Variants in ASNS observed in about 807,000 individuals in gnomAD.
ASNS encodes the protein asparagine synthetase (glutamine-hydrolyzing).
In ASNS, 37 loss-of-function variants were observed where a neutral mutation model predicts 62.6. The ratio of observed to expected loss-of-function variants is 0.59; its 90% CI spans 0.45 to 0.78. The LOEUF is 0.78. ASNS is among the 30% of genes least tolerant of loss of function. ASNS has a pLI of 0.00. For missense variants in ASNS, 520 were observed against 682.4 expected, an observed-to-expected ratio of 0.76 and a Z score of 2.65; for synonymous variants, 207 against 237.9, an observed-to-expected ratio of 0.87 and a Z score of 1.19.
In ASNS at chr7:97,864,532, C is replaced by G. The variant is rs1348016591; in HGVS notation, c.250-36G>C. On this transcript the variant is annotated intron_variant, in intron 3 of 12. Transcript: ENST00000394308. ...GAAAGCAAAACCAAAATGTTAGACT[C>G]CTTGTACATTCACTAATAATTTTTT... 2.9e-6 allele frequency: 4 copies of G among 1,402,776 alleles called. No individual in the cohort carries two copies. In the African/African-American group the frequency reaches 4.3e-5, roughly 15 times the overall value. The allele number at this position is 1,402,776 out of a possible 1,614,324, so 86.9% of individuals were successfully genotyped here. A position where few individuals can be genotyped will look rare whatever the true frequency, so the allele number is the denominator to read the frequency against.
chr7:97,898,662 A>G, the ASNS span: 18 of 668,778 alleles, frequency 2.7e-5, no homozygotes, highest in South Asian at 2.8e-4. Flanking sequence ...TGAGCATAAG[A>G]GGTCTTCAGT....
At position 97,869,182 on chromosome 7, in the gene ASNS, A is replaced by G. The variant is rs372366667; in HGVS notation, c.-23-3T>C. ...GGTGCAATGAAGCTATAAGCTTTCT[A>G]TGGAGAGAAAAGCAGACAAATCAAA... is the stretch of plus-strand genomic sequence containing the variant. On this transcript the variant is annotated splice_region_variant and splice_polypyrimidine_tract_variant and intron_variant, in intron 2 of 12. Coordinates refer to ENST00000394308, the MANE Select transcript of ASNS (RefSeq NM_001673.5). 125 of 1,606,498 alleles carry G rather than the reference A, an allele frequency of 7.8e-5. No homozygotes were observed. The highest frequency in any genetic ancestry group is 8.7e-5 in the Non-Finnish European group (102 of 1,174,320).
intron 1 of ASNS, chr7:97,870,392 G>A: frequency 3.5e-6 from 1 of 287,418 alleles, no homozygotes; most frequent in South Asian, 1.2e-4. Flanking sequence ...CAAATAGTTT[G>A]GGATAAACAC....
chr7:97,898,770 A>G, the ASNS span: 8 of 686,706 alleles, frequency 1.2e-5, no homozygotes, highest in Non-Finnish European at 1.9e-5. Flanking sequence ...ATCATTGTTG[A>G]ACATTTTTCA....
the ASNS span, among the ~76,000 whole-genome samples, chr7:97,884,372 A>AATT: frequency 6.6e-6 from 1 of 152,100 alleles, no homozygotes; most frequent in African/African-American, 2.4e-5. Flanking sequence ...AACATGGTGG[A>AATT]ACCCCATCTC....
chr7:97,890,824 T>C, the ASNS span, among the ~76,000 whole-genome samples: 1 of 152,206 alleles, frequency 6.6e-6, no homozygotes, highest in Non-Finnish European at 1.5e-5. Flanking sequence ...GTGTCTTGTT[T>C]GTTGTGGTCC....
At chr7:97,856,044 CCATGAAATTCCA>C (rs2115622830) in intron 8 of ASNS, among the ~76,000 whole-genome samples, 1 of 152,252 alleles carries the variant, frequency 6.6e-6, no homozygotes, top group South Asian at 2.1e-4. Context: ...CACCCCAGCC[CCATGAAATTCCA>C]ATACCAGAGC....
chr7:97,923,488 G>A, the ASNS span, among the ~76,000 whole-genome samples: 3 of 152,138 alleles, frequency 2.0e-5, no homozygotes, highest in Admixed American at 6.5e-5. Flanking sequence ...GGCTGAGGGA[G>A]GAGAATCCTT....
At chr7:97,883,605 C>T in the ASNS span, among the ~76,000 whole-genome samples, 1 of 152,246 alleles carries the variant, frequency 6.6e-6, no homozygotes, top group Non-Finnish European at 1.5e-5. Context: ...AATCTGCACT[C>T]TTCACAGGGA....
intron 3 of ASNS, among the ~76,000 whole-genome samples, chr7:97,866,371 C>T (rs561340993): frequency 1.3e-5 from 2 of 152,342 alleles, no homozygotes; most frequent in South Asian, 2.1e-4. Context: ...AAAGCTACTC[C>T]TTACTGATAG....
chr7:97,903,752 T>C, the ASNS span, among the ~76,000 whole-genome samples: 7 of 152,248 alleles, frequency 4.6e-5, no homozygotes, highest in Non-Finnish European at 8.8e-5. Context: ...TTTCTTTTAC[T>C]TGAATTGGAG....
chr7:97,870,231 C>G, intron 1 of ASNS: 1 of 906,772 alleles, frequency 1.1e-6, no homozygotes, highest in Non-Finnish European at 1.6e-6. Context: ...CTGAGTGCTA[C>G]GAAGATTGTA....
chr7:97,880,483 A>C, the ASNS span, among the ~76,000 whole-genome samples: 2 of 152,164 alleles, frequency 1.3e-5, no homozygotes, highest in South Asian at 4.1e-4. Context: ...AAAGGGGTCC[A>C]AATGTGAAAG....
At chr7:97,880,667 GGTT>G in the ASNS span, among the ~76,000 whole-genome samples, 3 of 152,278 alleles carry the variant, frequency 2.0e-5, no homozygotes, top group African/African-American at 7.2e-5. Context: ...TGAGGCAGCT[GGTT>G]GTTAAGACTG....
the ASNS span, among the ~76,000 whole-genome samples, chr7:97,919,135 GCTCACTGCAACCTCCTC>G: frequency 4.6e-3 from 700 of 151,982 alleles, 8 homozygotes; most frequent in African/African-American, 0.016. Context: ...CACAATCTCG[GCTCACTGCAACCTCCTC>G]CTCACTGCAA....
At chr7:97,882,538 TTAAATAAATAAATAAATAAA>T in the ASNS span, among the ~76,000 whole-genome samples, 1,708 of 125,406 alleles carry the variant, frequency 0.014, 42 homozygotes, top group South Asian at 0.036. Context: ...CAGAGAGAGA[TTAAATAAATAAATAAATAAA>T]TAAATAAATA....
intron 1 of ASNS, among the ~76,000 whole-genome samples, chr7:97,870,682 G>T (rs533513488): frequency 6.6e-6 from 1 of 152,310 alleles, no homozygotes; most frequent in South Asian, 2.1e-4. Flanking sequence ...TAAATGAGAT[G>T]ACTACTAATA....
At chr7:97,916,858 C>T in the ASNS span, among the ~76,000 whole-genome samples, 1 of 152,312 alleles carries the variant, frequency 6.6e-6, no homozygotes, top group African/African-American at 2.4e-5. Context: ...ATAGCTCCTG[C>T]CACCGTATTT....
At chr7:97,910,130 CCCAGAG>C in the ASNS span, among the ~76,000 whole-genome samples, 1 of 152,166 alleles carries the variant, frequency 6.6e-6, no homozygotes, top group Non-Finnish European at 1.5e-5. Context: ...CAACCCAGCT[CCCAGAG>C]CCAGAGCCAG....
Sources: allele counts gnomAD v4.1 joint callset (sites outside exome capture counted in the v4.1 genomes callset), GRCh38; gene constraint gnomAD v4.1.1; transcripts MANE v1.5; gene names NCBI Gene and HGNC (gene_info 2026-07-23, HGNC 2026-07-21).